The following GMDS variants were observed in gnomAD, a reference collection of about 807,000 sequenced individuals.
GMDS encodes GDP-mannose 4,6-dehydratase.
Under a neutral mutation model 49.9 loss-of-function variants are expected in GMDS, and 20 were observed. That is an observed-to-expected ratio of 0.40 (90% CI 0.28 to 0.58). GMDS has a LOEUF of 0.58. Ranked by LOEUF, GMDS falls within the 20% of genes least tolerant of loss-of-function variation. The pLI is 0.42. For missense variants in GMDS, 362 were observed against 481.4 expected, an observed-to-expected ratio of 0.75 and a Z score of 2.32; for synonymous variants, 177 against 178.6, an observed-to-expected ratio of 0.99 and a Z score of 0.07.
At chr6:2,226,332 G>A (rs750091934) in intron 1 of GMDS, among the ~76,000 whole-genome samples, 7 of 152,214 alleles carry the variant, frequency 4.6e-5, no homozygotes, top group Non-Finnish European at 8.8e-5. Flanking sequence ...TGTCAGAGCT[G>A]TAGGAGACCT....
At chr6:1,843,450 A>T (rs185054789) in intron 7 of GMDS, among the ~76,000 whole-genome samples, 99 of 152,350 alleles carry the variant, frequency 6.5e-4, no homozygotes, top group African/African-American at 2.1e-3. Flanking sequence ...AAAAAAGACC[A>T]GAGCCCTATA....
At chr6:1,954,485 T>C (rs1457710844) in intron 6 of GMDS, among the ~76,000 whole-genome samples, 1 of 152,258 alleles carries the variant, frequency 6.6e-6, no homozygotes, top group East Asian at 1.9e-4. Context: ...TTACCCGCAG[T>C]AGAATTTGTT....
At chr6:2,186,399 C>T (rs1290865999) in intron 1 of GMDS, among the ~76,000 whole-genome samples, 5 of 152,278 alleles carry the variant, frequency 3.3e-5, no homozygotes, top group Middle Eastern at 3.4e-3. Context: ...CTCAACTTAG[C>T]TGATTCCCAA....
intron 6 of GMDS, among the ~76,000 whole-genome samples, chr6:1,940,037 C>T (rs1267880296): frequency 1.3e-5 from 2 of 152,010 alleles, no homozygotes; most frequent in African/African-American, 2.4e-5. Flanking sequence ...AGAAACCCTA[C>T]AGGAGGTTCA....
intron 7 of GMDS, among the ~76,000 whole-genome samples, chr6:1,794,899 C>T (rs1473335334): frequency 6.6e-6 from 1 of 150,672 alleles, no homozygotes; most frequent in African/African-American, 2.4e-5. Context: ...TAAAATGAGG[C>T]TGGGGTCAAG....
rs114343446 is a variant in GMDS, at chr6:1,998,973, C to T, written c.346-38007G>A. On this transcript the variant is annotated intron_variant, in intron 4 of 10. Transcript: ENST00000380815. ...AAAAAGTACAAATAGATAAGACATG[C>T]AACAAGCAATAAGTAATAAAGATAA... 5.6e-3 allele frequency among the ~76,000 whole-genome samples: 847 copies of T among 151,914 alleles called. 6 individuals carry two copies. The highest frequency in any genetic ancestry group is 0.019 in the African/African-American group (792 of 41,338).
In GMDS at chr6:1,863,522, G is replaced by T. The variant is rs75091649; in HGVS notation, c.771+66581C>A. Among the ~76,000 whole-genome samples, 526 of 152,172 alleles carry T rather than the reference G, an allele frequency of 3.5e-3. 29 individuals are homozygous for T. In the East Asian group the frequency reaches 0.081, roughly 23 times the overall value. The stretch of plus-strand genomic sequence containing the variant: ...TGTGTGTGTGTGTTCCAATATAAGT[G>T]GGGAAGGGGACATTCAGTATCTCTC... On this transcript the variant is annotated intron_variant, in intron 7 of 10. Coordinates refer to ENST00000380815, the MANE Select transcript of GMDS (RefSeq NM_001500.4).
intron 2 of GMDS, among the ~76,000 whole-genome samples, chr6:2,122,104 A>G (rs535417179): frequency 2.0e-5 from 3 of 152,374 alleles, no homozygotes; most frequent in African/African-American, 7.2e-5. Context: ...GGCTAGATTC[A>G]AAATAATATG....
At chr6:1,916,789 A>T (rs1319104308) in intron 7 of GMDS, among the ~76,000 whole-genome samples, 1 of 152,236 alleles carries the variant, frequency 6.6e-6, no homozygotes, top group Non-Finnish European at 1.5e-5. Flanking sequence ...CCAGAGGCCC[A>T]GGCAGATGCT....
rs146520446 is a variant in GMDS at position 2,202,540 on chromosome 6, C to G, written c.102+42781G>C. Among the ~76,000 whole-genome samples, 9 of 151,998 alleles carry G rather than the reference C, an allele frequency of 5.9e-5. 1 individual carries two copies. In the East Asian group the frequency reaches 1.7e-3, roughly 29 times the overall value. On this transcript the variant is annotated intron_variant, in intron 1 of 10. Transcript: ENST00000380815. Reference sequence around the variant, plus strand: ...GACAACCTCTTAATTCTCTCCGTGCCTCAGTTGCAGAGGAGGGGACAGGCT... The same window carrying G: ...GACAACCTCTTAATTCTCTCCGTGCGTCAGTTGCAGAGGAGGGGACAGGCT...
At chr6:1,923,988 T>C (rs1761861328) in intron 7 of GMDS, among the ~76,000 whole-genome samples, 1 of 152,168 alleles carries the variant, frequency 6.6e-6, no homozygotes, top group Non-Finnish European at 1.5e-5. Flanking sequence ...TGAAGGTAAA[T>C]TCATTCAGAG....
At chr6:2,103,145 G>A (rs1203167063) in intron 4 of GMDS, among the ~76,000 whole-genome samples, 3 of 152,156 alleles carry the variant, frequency 2.0e-5, no homozygotes, top group Non-Finnish European at 2.9e-5. Flanking sequence ...CACAGCGTAC[G>A]ATGCTGGAAA....
At chr6:1,656,486 G>C (rs552117561) in intron 9 of GMDS, among the ~76,000 whole-genome samples, 1 of 152,096 alleles carries the variant, frequency 6.6e-6, no homozygotes, top group Non-Finnish European at 1.5e-5. Flanking sequence ...TTCTGGGGCC[G>C]GGAGTGGTGG....
intron 7 of GMDS, among the ~76,000 whole-genome samples, chr6:1,861,114 T>G (rs1433887089): frequency 6.6e-6 from 1 of 152,222 alleles, no homozygotes. Context: ...GTAAGATGTC[T>G]GCTTCTGAGC....
At chr6:1,750,760 AGCCAAG>A in intron 7 of GMDS, among the ~76,000 whole-genome samples, 1 of 152,096 alleles carries the variant, frequency 6.6e-6, no homozygotes, top group Non-Finnish European at 1.5e-5. Flanking sequence ...GAAGCCAGGG[AGCCAAG>A]TTGTCTTGCT....
chr6:2,043,163 C>T (rs1337602347), intron 4 of GMDS, among the ~76,000 whole-genome samples: 1 of 152,170 alleles, frequency 6.6e-6, no homozygotes, highest in Non-Finnish European at 1.5e-5. Context: ...ATGGTTTGCC[C>T]ACAGTGACAG....
intron 7 of GMDS, among the ~76,000 whole-genome samples, chr6:1,906,233 T>C (rs1054130136): frequency 6.6e-5 from 10 of 152,162 alleles, no homozygotes; most frequent in Non-Finnish European, 1.3e-4. Context: ...TACATATGCA[T>C]ATAAGCCATT....
chr6:2,227,168 G>GA (rs1224262799), intron 1 of GMDS, among the ~76,000 whole-genome samples: 1 of 151,654 alleles, frequency 6.6e-6, no homozygotes, highest in Non-Finnish European at 1.5e-5. Flanking sequence ...AAATGTTAAG[G>GA]AAAAAAGTTT....
intron 9 of GMDS, among the ~76,000 whole-genome samples, chr6:1,700,067 C>A (rs1236732782): frequency 2.0e-5 from 3 of 152,098 alleles, no homozygotes; most frequent in African/African-American, 7.2e-5. Flanking sequence ...GAAGAACCAC[C>A]CCCTCCGCAC....
Sources: gnomAD v4.1 joint callset for allele counts (sites outside exome capture counted in the v4.1 genomes callset) on GRCh38, gnomAD v4.1.1 for gene constraint, MANE v1.5 for transcripts, NCBI Gene and HGNC (gene_info 2026-07-23, HGNC 2026-07-21) for gene names.